The following SLC7A8 variants were observed in gnomAD, a reference collection of about 807,000 sequenced individuals.
SLC7A8 encodes large neutral amino acids transporter small subunit 2.
A neutral mutation model predicts 51.2 loss-of-function variants in SLC7A8; 30 were observed. That is an observed-to-expected ratio of 0.59 (90% CI 0.44 to 0.80). SLC7A8 has a LOEUF of 0.80. Ranked by LOEUF, SLC7A8 falls within the 30% of genes least tolerant of loss-of-function variation. The pLI, the probability that SLC7A8 is intolerant of heterozygous loss-of-function variation, is 0.00. For synonymous variants in SLC7A8, 257 were observed against 275.8 expected, an observed-to-expected ratio of 0.93 and a Z score of 0.67; for missense variants, 612 against 674.4, an observed-to-expected ratio of 0.91 and a Z score of 1.03.
At chr14:23,136,826 G>A (rs140563448) in intron 7 of SLC7A8, among the ~76,000 whole-genome samples, 5 of 152,306 alleles carry the variant, frequency 3.3e-5, no homozygotes, top group South Asian at 2.1e-4. Flanking sequence ...TTCCTCCACC[G>A]CTTGGCCTCG....
In SLC7A8 at chr14:23,127,084, GGT is replaced by G. The variant is rs1279638411; in HGVS notation, c.*91_*92del. 9.7e-6 allele frequency: 14 copies of G among 1,441,590 alleles called. No homozygotes were observed. The highest frequency in any genetic ancestry group is 4.2e-5 in the African/African-American group (3 of 71,548). The allele number at this position is 1,441,590 out of a possible 1,614,324, so 89.3% of individuals were successfully genotyped here. A position where few individuals can be genotyped will look rare whatever the true frequency, so the allele number is the denominator to read the frequency against. ...ACTGCCTGACAAAAGCAGAGAGAGGGGTGTGTGTGTACTCGCATGTGTTGGCA... is the reference window on the plus strand; with the variant it reads ...ACTGCCTGACAAAAGCAGAGAGAGGGGTGTGTGTACTCGCATGTGTTGGCA... On this transcript the variant is annotated 3_prime_UTR_variant, in exon 11 of 11. Transcript: ENST00000316902.
chr14:23,127,724 C>T (rs528059111), intron 10 of SLC7A8, among the ~76,000 whole-genome samples: 1 of 152,332 alleles, frequency 6.6e-6, no homozygotes, highest in East Asian at 1.9e-4. Context: ...CTCAAGTGAT[C>T]CTCTGTCTCA....
At chr14:23,134,444 A>C (rs2048669759) in intron 7 of SLC7A8, among the ~76,000 whole-genome samples, 1 of 150,426 alleles carries the variant, frequency 6.6e-6, no homozygotes, top group Non-Finnish European at 1.5e-5. Flanking sequence ...CTCCAAAAAA[A>C]AAAAAAAAAA....
chr14:23,154,532 G>A (rs1051049560), intron 3 of SLC7A8: 5 of 962,512 alleles, frequency 5.2e-6, no homozygotes, highest in Non-Finnish European at 4.9e-6. Context: ...GTTTCTAATT[G>A]TGGAAAAGCC....
At chr14:23,154,319 C>G (rs61976514) in intron 3 of SLC7A8, 1 of 1,000,216 alleles carries the variant, frequency 1.0e-6, no homozygotes, top group Non-Finnish European at 1.2e-6. Context: ...CCCACAGACT[C>G]CCTCCCCTCC....
At chr14:23,154,542 C>T in intron 3 of SLC7A8, 2 of 948,914 alleles carry the variant, frequency 2.1e-6, no homozygotes, top group Non-Finnish European at 2.5e-6. Flanking sequence ...GTGGAAAAGC[C>T]GCTTCGGCTT....
Position 23,131,516 on chromosome 14 carries a change from A to G in SLC7A8, c.1058T>C (p.Val353Ala). The G allele has an allele frequency of 1.9e-6, 3 of 1,609,224 alleles. No homozygotes were observed. Among genetic ancestry groups the G allele is most frequent in the Non-Finnish European group, 2.5e-6 (3 of 1,178,100 alleles). Reference protein sequence around the residue: ...AGAREGHLPSVLAMIHVKRCT... With the variant: ...AGAREGHLPSALAMIHVKRCT... ...GCGCTTCACGTGGATCATGGCCAAC[A>G]CACTGGGAAGGTGGCCCTCTCGGGC... The change falls in exon 8 of 11, where the codon GTG becomes GCG. Residue 353 changes from valine (V) to alanine (A), a missense_variant. By Grantham distance (64) the Val-to-Ala change is moderately conservative (BLOSUM62 0). Coordinates refer to ENST00000316902, the MANE Select transcript of SLC7A8 (RefSeq NM_012244.4).
chr14:23,171,223 T>C (rs1393977671), intron 1 of SLC7A8, among the ~76,000 whole-genome samples: 1 of 152,226 alleles, frequency 6.6e-6, no homozygotes, highest in Non-Finnish European at 1.5e-5. Flanking sequence ...AATCATCTTA[T>C]CACGCAGATC....
chr14:23,182,256 G>A (rs1302244548), intron 1 of SLC7A8, among the ~76,000 whole-genome samples: 3 of 152,112 alleles, frequency 2.0e-5, no homozygotes, highest in Non-Finnish European at 4.4e-5. Context: ...GCTGCATAAG[G>A]TGGAAAACGC....
chr14:23,147,127 C>T (rs1341448039), intron 3 of SLC7A8, among the ~76,000 whole-genome samples: 7 of 64,748 alleles, frequency 1.1e-4, no homozygotes, highest in South Asian at 5.8e-4. Flanking sequence ...CACCCATCCA[C>T]CCATCTAGCC....
At chr14:23,135,387 G>A (rs1594819688) in intron 7 of SLC7A8, among the ~76,000 whole-genome samples, 2 of 149,022 alleles carry the variant, frequency 1.3e-5, no homozygotes, top group Middle Eastern at 3.4e-3. Context: ...ACTGCGCCTG[G>A]ACATAAAAGT....
At chr14:23,173,798 AC>A (rs2048986612) in intron 1 of SLC7A8, among the ~76,000 whole-genome samples, 1 of 150,848 alleles carries the variant, frequency 6.6e-6, no homozygotes, top group Non-Finnish European at 1.5e-5. Context: ...GTGCCACCCC[AC>A]CCGACTAATT....
intron 3 of SLC7A8, among the ~76,000 whole-genome samples, chr14:23,151,172 G>A (rs759448441): frequency 2.6e-5 from 4 of 152,182 alleles, no homozygotes; most frequent in Non-Finnish European, 5.9e-5. Flanking sequence ...CACAGCCAGC[G>A]GTGCACACGC....
chr14:23,134,437 C>CAAAAAAAAAAAAAAA (rs57162273), intron 7 of SLC7A8, among the ~76,000 whole-genome samples: 2 of 64,184 alleles, frequency 3.1e-5, no homozygotes, highest in East Asian at 4.4e-4. Context: ...ACCCTGTCTC[C>CAAAAAAAAAAAAAAA]AAAAAAAAAA....
intron 1 of SLC7A8, 103 bp downstream of exon 1, chr14:23,182,661 T>G (rs1031847492): frequency 7.4e-7 from 1 of 1,344,062 alleles, no homozygotes; most frequent in African/African-American, 1.5e-5. Flanking sequence ...GACAATCCTT[T>G]TCTAAGGAAT....
rs748587205 is a variant in SLC7A8 at position 23,182,756 on chromosome 14, G to T, written c.151+8C>A. ...GAGGAGGGGTCCGCGGGAAGGAATG[G>T]AACTCACCTACGATGATACCACAGG... On this transcript the variant is annotated splice_region_variant and intron_variant, in intron 1 of 10. Transcript: ENST00000316902. 3.9e-6 allele frequency: 6 copies of T among 1,552,554 alleles called. No homozygotes were observed. The highest frequency in any genetic ancestry group is 5.2e-6 in the Non-Finnish European group (6 of 1,151,384).
intron 1 of SLC7A8, among the ~76,000 whole-genome samples, chr14:23,177,785 A>T (rs1457089300): frequency 6.6e-6 from 1 of 152,168 alleles, no homozygotes; most frequent in Non-Finnish European, 1.5e-5. Context: ...TGCACCGGGA[A>T]TATTACTTTC....
chr14:23,154,998 CAAAAAAA>C (rs33973055), intron 3 of SLC7A8, among the ~76,000 whole-genome samples: 27 of 89,438 alleles, frequency 3.0e-4, no homozygotes, highest in African/African-American at 1.0e-3. Context: ...ACACAACAGA[CAAAAAAA>C]AAAAAAAAAA....
At chr14:23,161,957 C>T in intron 3 of SLC7A8, among the ~76,000 whole-genome samples, 1 of 144,108 alleles carries the variant, frequency 6.9e-6, no homozygotes, top group South Asian at 2.2e-4. Context: ...ATCTACCAAG[C>T]CTTCCTGACA....
Sources: gnomAD v4.1 joint callset for allele counts (sites outside exome capture counted in the v4.1 genomes callset) on GRCh38, gnomAD v4.1.1 for gene constraint, MANE v1.5 for transcripts, NCBI Gene and HGNC (gene_info 2026-07-23, HGNC 2026-07-21) for gene names.